Variants in FGF14 observed in about 807,000 individuals in gnomAD.
FGF14 encodes the protein fibroblast growth factor homologous factor 4.
Under a neutral mutation model 25.5 loss-of-function variants are expected in FGF14, and 5 were observed. That is an observed-to-expected ratio of 0.20 (90% CI 0.10 to 0.41). The LOEUF (loss-of-function observed/expected upper bound fraction) is 0.41. Ranked by LOEUF, FGF14 falls within the 10% of genes least tolerant of loss-of-function variation. The pLI is 1.00. For synonymous variants in FGF14, 138 were observed against 118.3 expected (o/e 1.17, Z -1.08); for missense variants, 222 against 320.1 (o/e 0.69, Z 2.34).
At chr13:102,290,318 G>A (rs1330611371) in intron 1 of FGF14, among the ~76,000 whole-genome samples, 1 of 152,106 alleles carries the variant, frequency 6.6e-6, no homozygotes, top group Admixed American at 6.6e-5. Context: ...CAGAGTATGA[G>A]CCCTCACCAG....
In FGF14 at chr13:102,310,696, T is replaced by TGTGGG. The variant is rs1269681335; in HGVS notation, c.208+90774_208+90775insCCCAC. On this transcript the variant is annotated intron_variant, in intron 1 of 4. Coordinates refer to the FGF14 transcript ENST00000376131. ...CTCTCTCTCTCTCTCTGTGTGTGTG[T>TGTGGG]GGGGGGGGGGGGGTGGGGGTTGTTT... is the stretch of plus-strand genomic sequence containing the variant. 7.5e-3 allele frequency among the ~76,000 whole-genome samples: 26 copies of TGTGGG among 3,466 alleles called. 2 individuals are homozygous for TGTGGG. The highest frequency in any genetic ancestry group is 0.019 in the Admixed American group (5 of 258). 2.3% of individuals were successfully genotyped at this position (3,466 alleles called of 152,430 possible).
intron 3 of FGF14, among the ~76,000 whole-genome samples, chr13:101,845,278 A>G (rs930355293): frequency 1.3e-5 from 2 of 152,042 alleles, no homozygotes; most frequent in Non-Finnish European, 2.9e-5. Flanking sequence ...TAGACCATAA[A>G]TGTTTTGCTT....
At chr13:101,963,874 G>A (rs1219686023) in intron 1 of FGF14, among the ~76,000 whole-genome samples, 2 of 152,178 alleles carry the variant, frequency 1.3e-5, no homozygotes, top group African/African-American at 4.8e-5. Flanking sequence ...GTATAAGGCA[G>A]GAATGTCATA....
chr13:102,068,461 G>A (rs2042996265), intron 1 of FGF14, among the ~76,000 whole-genome samples: 1 of 152,228 alleles, frequency 6.6e-6, no homozygotes, highest in Admixed American at 6.5e-5. Flanking sequence ...TCAGCTTGCA[G>A]GTAGGTGTGG....
upstream of FGF14, among the ~76,000 whole-genome samples, chr13:101,918,019 G>A (rs1033001197): frequency 6.6e-6 from 1 of 152,130 alleles, no homozygotes; most frequent in Non-Finnish European, 1.5e-5. Flanking sequence ...ATCTTCTGGT[G>A]TCCCTGGGCA....
At chr13:102,233,626 C>T (rs1013196472) in intron 1 of FGF14, among the ~76,000 whole-genome samples, 3 of 152,074 alleles carry the variant, frequency 2.0e-5, no homozygotes, top group Non-Finnish European at 4.4e-5. Context: ...TGGTGCAACT[C>T]CCTAATTCTG....
intron 1 of FGF14, among the ~76,000 whole-genome samples, chr13:102,201,102 CAAAAAAAAAAAAAAAAAAAAAA>C (rs60149871): frequency 6.4e-5 from 4 of 62,690 alleles, no homozygotes; most frequent in African/African-American, 2.6e-4. Flanking sequence ...CTCCGTCTCT[CAAAAAAAAAAAAAAAAAAAAAA>C]AAAAAAAAAA....
At chr13:102,142,797 T>A (rs1563583) in intron 1 of FGF14, among the ~76,000 whole-genome samples, 11,114 of 152,256 alleles carry the variant, frequency 0.073, 438 homozygotes, top group Non-Finnish European at 0.099. Context: ...GTCTTCACTT[T>A]ATTAAAATTT....
chr13:102,112,436 T>A (rs1274801649), intron 1 of FGF14, among the ~76,000 whole-genome samples: 2 of 152,222 alleles, frequency 1.3e-5, no homozygotes, highest in African/African-American at 4.8e-5. Context: ...CATGGAATTC[T>A]CACACACCAC....
At chr13:102,287,402 C>T (rs1467014693) in intron 1 of FGF14, among the ~76,000 whole-genome samples, 1 of 152,208 alleles carries the variant, frequency 6.6e-6, no homozygotes, top group Non-Finnish European at 1.5e-5. Context: ...ATGAACATAT[C>T]TGTTTCCTAG....
chr13:102,381,980 A>G (rs2058193468), intron 1 of FGF14, among the ~76,000 whole-genome samples: 1 of 152,194 alleles, frequency 6.6e-6, no homozygotes, highest in Non-Finnish European at 1.5e-5. Flanking sequence ...ACCTCACAGC[A>G]TCTACTAAAT....
chr13:101,971,979 C>T (rs1397712497), intron 1 of FGF14, among the ~76,000 whole-genome samples: 2 of 152,218 alleles, frequency 1.3e-5, no homozygotes, highest in African/African-American at 4.8e-5. Context: ...GAGCTCAATG[C>T]TCAGGAACAC....
rs574714265 is a variant in FGF14, at chr13:102,086,932, G to C, written c.209-211636C>G. 1.5e-4 allele frequency among the ~76,000 whole-genome samples: 23 copies of C among 152,300 alleles called. 1 individual carries two copies. The South Asian group carries it at 3.7e-3, about 25-fold the overall frequency. On this transcript the variant is annotated intron_variant, in intron 1 of 4. Coordinates refer to the FGF14 transcript ENST00000376131. ...ACACAGGAGGCAGTCTGATGATGTG[G>C]AGTGAATTGGGAATCACAGCATTCC...
intron 1 of FGF14, chr13:102,395,558 A>T (rs574230613): frequency 6.6e-6 from 1 of 152,348 alleles, no homozygotes; most frequent in East Asian, 1.9e-4. Context: ...TTAGTAGCCA[A>T]ATTCTTGGTT....
intron 1 of FGF14, among the ~76,000 whole-genome samples, chr13:102,125,740 A>T (rs1244982129): frequency 6.6e-6 from 1 of 152,110 alleles, no homozygotes; most frequent in Non-Finnish European, 1.5e-5. Flanking sequence ...ATTGATTTGA[A>T]CTGTTTCTTT....
chr13:102,287,932 C>G (rs933218492), intron 1 of FGF14, among the ~76,000 whole-genome samples: 4 of 152,006 alleles, frequency 2.6e-5, no homozygotes, highest in Non-Finnish European at 5.9e-5. Context: ...GTTGTTTGTT[C>G]AATAAATAAA....
intron 1 of FGF14, among the ~76,000 whole-genome samples, chr13:102,296,367 G>A (rs972173581): frequency 6.6e-6 from 1 of 152,052 alleles, no homozygotes; most frequent in African/African-American, 2.4e-5. Flanking sequence ...TTTGCAGCTT[G>A]GTGCACAAAA....
chr13:102,218,279 C>A (rs2050460108), intron 1 of FGF14, among the ~76,000 whole-genome samples: 1 of 152,046 alleles, frequency 6.6e-6, no homozygotes, highest in Admixed American at 6.6e-5. Flanking sequence ...ATTTGTTCAG[C>A]AAATATTACT....
At chr13:102,351,916 G>T (rs2057291215) in intron 1 of FGF14, among the ~76,000 whole-genome samples, 1 of 152,224 alleles carries the variant, frequency 6.6e-6, no homozygotes, top group African/African-American at 2.4e-5. Flanking sequence ...ATGCTGAAGG[G>T]AGAGGAATTA....
Sources: allele counts gnomAD v4.1 joint callset (sites outside exome capture counted in the v4.1 genomes callset), GRCh38; gene constraint gnomAD v4.1.1; transcripts MANE v1.5; gene names NCBI Gene and HGNC (gene_info 2026-07-23, HGNC 2026-07-21).